The following SETBP1 variants were observed in gnomAD, a reference collection of about 807,000 sequenced individuals.
SETBP1 encodes SET-binding protein.
SETBP1 carries 9 observed loss-of-function variants against 101.0 expected under a neutral mutation model. The observed-to-expected ratio is 0.09, with a 90% CI of 0.05 to 0.16. SETBP1 has a LOEUF of 0.16. Ranked by LOEUF, SETBP1 falls within the 10% of genes least tolerant of loss-of-function variation. The pLI, the probability that SETBP1 is intolerant of heterozygous loss-of-function variation, is 1.00. For synonymous variants in SETBP1, 818 were observed against 788.5 expected, an observed-to-expected ratio of 1.04 and a Z score of -0.63; for missense variants, 1,858 against 2,033.8, an observed-to-expected ratio of 0.91 and a Z score of 1.66.
At chr18:44,846,103 G>A (rs1229761099) in intron 2 of SETBP1, among the ~76,000 whole-genome samples, 3 of 152,258 alleles carry the variant, frequency 2.0e-5, no homozygotes, top group Middle Eastern at 3.4e-3. Context: ...AATCCTTAAT[G>A]GGCTGCAGTC....
At chr18:44,770,711 A>G (rs2070854144) in intron 2 of SETBP1, among the ~76,000 whole-genome samples, 1 of 152,204 alleles carries the variant, frequency 6.6e-6, no homozygotes, top group South Asian at 2.1e-4. Flanking sequence ...ATAACTATAC[A>G]GATGTCTGGG....
At chr18:44,845,995 T>C (rs1261826020) in intron 2 of SETBP1, among the ~76,000 whole-genome samples, 1 of 152,212 alleles carries the variant, frequency 6.6e-6, no homozygotes, top group African/African-American at 2.4e-5. Flanking sequence ...GGAAGGCTGG[T>C]GGTGCCTGAG....
At chr18:44,938,822 CTCAG>C (rs2071019545) in intron 3 of SETBP1, among the ~76,000 whole-genome samples, 1 of 152,132 alleles carries the variant, frequency 6.6e-6, no homozygotes, top group African/African-American at 2.4e-5. Context: ...TTGAGATCAA[CTCAG>C]TCAGCTATCT....
At chr18:44,680,812 C>A (rs972905400), upstream of SETBP1, 8 of 147,430 alleles carry the variant, frequency 5.4e-5, no homozygotes, top group Non-Finnish European at 1.2e-4. Flanking sequence ...GCGGGTTTGG[C>A]GTTGGTGGAG....
chr18:44,776,160 G>A (rs1463542417), intron 2 of SETBP1, among the ~76,000 whole-genome samples: 1 of 152,170 alleles, frequency 6.6e-6, no homozygotes, highest in Non-Finnish European at 1.5e-5. Context: ...ACAGGCAGTT[G>A]AGGCCTGAAT....
At chr18:44,868,785 G>T (rs1260339777) in intron 2 of SETBP1, among the ~76,000 whole-genome samples, 4 of 150,478 alleles carry the variant, frequency 2.7e-5, no homozygotes, top group Non-Finnish European at 5.9e-5. Flanking sequence ...AGCCCTCTTA[G>T]AGGAGATGGA....
At chr18:44,777,953 A>G (rs562383410) in intron 2 of SETBP1, among the ~76,000 whole-genome samples, 1 of 152,308 alleles carries the variant, frequency 6.6e-6, no homozygotes, top group South Asian at 2.1e-4. Flanking sequence ...CGACTGTTCT[A>G]TTTACAATCT....
At chr18:44,733,589 G>A (rs1302841106) in intron 2 of SETBP1, among the ~76,000 whole-genome samples, 2 of 152,164 alleles carry the variant, frequency 1.3e-5, no homozygotes, top group South Asian at 2.1e-4. Context: ...GTATCCCTGT[G>A]GGTTTGGGGA....
At chr18:44,876,671 C>T in intron 3 of SETBP1, 2 of 1,549,662 alleles carry the variant, frequency 1.3e-6, no homozygotes, top group Non-Finnish European at 1.7e-6. Flanking sequence ...TTCTCATGCC[C>T]CCGGAACCCA....
At chr18:44,715,193 T>C (rs2069436237) in intron 2 of SETBP1, among the ~76,000 whole-genome samples, 1 of 152,214 alleles carries the variant, frequency 6.6e-6, no homozygotes, top group Admixed American at 6.5e-5. Context: ...TTGTTTCTGC[T>C]GCTTGGCCCT....
chr18:44,956,344 A>C (rs2071481048), intron 4 of SETBP1, among the ~76,000 whole-genome samples: 1 of 152,078 alleles, frequency 6.6e-6, no homozygotes, highest in Non-Finnish European at 1.5e-5. Context: ...CATTCACCTT[A>C]ATGTGATAGA....
chr18:44,765,301 G>T (rs1403664007), intron 2 of SETBP1, among the ~76,000 whole-genome samples: 1 of 151,820 alleles, frequency 6.6e-6, no homozygotes, highest in Non-Finnish European at 1.5e-5. Flanking sequence ...TTTCCTTGCA[G>T]AAGGAAAGAA....
intron 2 of SETBP1, among the ~76,000 whole-genome samples, chr18:44,865,364 T>C (rs1169270872): frequency 6.6e-6 from 1 of 152,176 alleles, no homozygotes; most frequent in Non-Finnish European, 1.5e-5. Context: ...GCCCTTTGTC[T>C]ACACATTTTC....
intron 5 of SETBP1, among the ~76,000 whole-genome samples, chr18:45,045,198 T>C (rs952712382): frequency 6.6e-6 from 1 of 151,672 alleles, no homozygotes; most frequent in African/African-American, 2.4e-5. Flanking sequence ...CCAAGGCAGG[T>C]GGATCACGAG....
At chr18:44,935,540 A>G (rs916207582) in intron 3 of SETBP1, among the ~76,000 whole-genome samples, 3 of 152,154 alleles carry the variant, frequency 2.0e-5, no homozygotes, top group African/African-American at 7.2e-5. Flanking sequence ...GACAAAGCTG[A>G]ACAATTTCAT....
chr18:44,753,910 G>T (rs1197682289), intron 2 of SETBP1, among the ~76,000 whole-genome samples: 4 of 152,188 alleles, frequency 2.6e-5, no homozygotes, highest in African/African-American at 4.8e-5. Context: ...CCTAATTCTG[G>T]CAAAGTCTGG....
At chr18:44,724,836 A>C (rs1015944820) in intron 2 of SETBP1, among the ~76,000 whole-genome samples, 15 of 152,158 alleles carry the variant, frequency 9.9e-5, no homozygotes, top group Non-Finnish European at 2.2e-4. Context: ...TAATTGAGAA[A>C]ATATTTTGAG....
chr18:44,873,254 G>T (rs1262069574), intron 3 of SETBP1, among the ~76,000 whole-genome samples: 1 of 152,112 alleles, frequency 6.6e-6, no homozygotes, highest in Non-Finnish European at 1.5e-5. Context: ...GAAATGTTCT[G>T]CCACCAATAT....
chr18:44,811,381 A>G (rs2071859660), intron 2 of SETBP1, among the ~76,000 whole-genome samples: 1 of 152,228 alleles, frequency 6.6e-6, no homozygotes, highest in South Asian at 2.1e-4. Flanking sequence ...ATCGTTTGTC[A>G]TGTGTGTCTC....
Sources: allele counts gnomAD v4.1 joint callset (sites outside exome capture counted in the v4.1 genomes callset), GRCh38; gene constraint gnomAD v4.1.1; transcripts MANE v1.5; gene names NCBI Gene and HGNC (gene_info 2026-07-23, HGNC 2026-07-21).